Variants in ZFAT observed in about 807,000 individuals in gnomAD.
ZFAT encodes the protein zinc finger and AT-hook domain containing, also known as zinc finger protein ZFAT.
In ZFAT, 64 loss-of-function variants were observed where a neutral mutation model predicts 117.7. The ratio of observed to expected loss-of-function variants is 0.54; its 90% CI spans 0.44 to 0.67. The LOEUF (loss-of-function observed/expected upper bound fraction) is 0.67, where lower values mean the gene tolerates loss of function less well. Ranked by LOEUF, ZFAT falls within the 30% of genes least tolerant of loss-of-function variation. The pLI is 0.00. For synonymous variants in ZFAT, 679 were observed against 615.0 expected (o/e 1.10, Z -1.54); for missense variants, 1,433 against 1,584.5 (o/e 0.90, Z 1.62).
At chr8:134,733,875 C>T in the ZFAT span, among the ~76,000 whole-genome samples, 6 of 152,222 alleles carry the variant, frequency 3.9e-5, no homozygotes, top group African/African-American at 7.2e-5. Context: ...GTCCTGCGGC[C>T]ACCCCAGCTC....
chr8:134,584,434 C>A (rs1010380935), intron 9 of ZFAT, among the ~76,000 whole-genome samples: 2 of 152,234 alleles, frequency 1.3e-5, no homozygotes, highest in African/African-American at 4.8e-5. Context: ...ACCTGCAGAG[C>A]AGACAGTCAC....
intron 4 of ZFAT, among the ~76,000 whole-genome samples, chr8:134,609,701 T>G (rs190659835): frequency 6.6e-6 from 1 of 152,222 alleles, no homozygotes; most frequent in South Asian, 2.1e-4. Context: ...GAAAAAATAT[T>G]ATACTTTGAA....
the ZFAT span, among the ~76,000 whole-genome samples, chr8:134,770,673 G>T: frequency 1.3e-5 from 2 of 152,176 alleles, no homozygotes; most frequent in African/African-American, 4.8e-5. Context: ...AACTCTGACC[G>T]CCGGTGAGCC....
At chr8:134,600,233 A>C in intron 7 of ZFAT, 1 of 613,472 alleles carries the variant, frequency 1.6e-6, no homozygotes, top group East Asian at 2.7e-5. Context: ...TATTCCATCT[A>C]ATCTCTTTTT....
Position 134,705,015 on chromosome 8 carries a change from C to T in ZFAT, c.19+7830G>A, listed in dbSNP as rs373006159. 7.1e-4 allele frequency among the ~76,000 whole-genome samples: 108 copies of T among 151,968 alleles called. 1 individual carries two copies. The highest frequency in any genetic ancestry group is 3.4e-3 in the Middle Eastern group (1 of 290). ...TGTAAAAATAATGGCAAATAAAACT[C>T]CAATAAAATCACAAACTTCTGTTCA... On this transcript the variant is annotated intron_variant, in intron 1 of 15. Coordinates refer to ENST00000377838, the MANE Select transcript of ZFAT (RefSeq NM_020863.4).
At chr8:134,496,955 C>T (rs182562034) in intron 15 of ZFAT, among the ~76,000 whole-genome samples, 34 of 152,346 alleles carry the variant, frequency 2.2e-4, no homozygotes, top group African/African-American at 7.2e-4. Context: ...TGTGTCCTAA[C>T]GGGCAGGGGT....
chr8:134,830,087 T>C, the ZFAT span, among the ~76,000 whole-genome samples: 1 of 152,176 alleles, frequency 6.6e-6, no homozygotes. Flanking sequence ...CATGAACATA[T>C]GACCTCCACG....
intron 11 of ZFAT, chr8:134,565,079 G>T: frequency 2.1e-6 from 3 of 1,459,720 alleles, no homozygotes; most frequent in Admixed American, 2.1e-5. Flanking sequence ...TGCAAAGATC[G>T]TGCCTTTTCT....
At chr8:134,617,219 C>A (rs538761830) in intron 3 of ZFAT, among the ~76,000 whole-genome samples, 62 of 152,274 alleles carry the variant, frequency 4.1e-4, no homozygotes, top group Non-Finnish European at 7.8e-4. Flanking sequence ...GCCATGAGAG[C>A]GTCCCATGCA....
intron 3 of ZFAT, among the ~76,000 whole-genome samples, chr8:134,614,855 A>G (rs1563678850): frequency 6.6e-6 from 1 of 152,214 alleles, no homozygotes; most frequent in Admixed American, 6.5e-5. Flanking sequence ...TCTGAACCAC[A>G]TGGGAAGTCA....
chr8:134,762,888 G>C, the ZFAT span, among the ~76,000 whole-genome samples: 3 of 152,120 alleles, frequency 2.0e-5, no homozygotes, highest in Non-Finnish European at 4.4e-5. Context: ...TAGCCAAGTG[G>C]ATAAATAGAT....
chr8:134,543,232 C>A (rs1352715727), intron 11 of ZFAT, among the ~76,000 whole-genome samples: 1 of 151,642 alleles, frequency 6.6e-6, no homozygotes, highest in African/African-American at 2.4e-5. Context: ...GGGTCATGTA[C>A]AAATCCCCAG....
chr8:134,692,623 G>A (rs1250899846), intron 1 of ZFAT, among the ~76,000 whole-genome samples: 1 of 152,180 alleles, frequency 6.6e-6, no homozygotes, highest in Non-Finnish European at 1.5e-5. Context: ...AAGTATGGGA[G>A]GAAATCTTAA....
chr8:134,760,231 G>A, the ZFAT span, among the ~76,000 whole-genome samples: 5 of 148,896 alleles, frequency 3.4e-5, no homozygotes, highest in East Asian at 9.9e-4. Flanking sequence ...TCATGCCACT[G>A]CACTCCAGCC....
intron 3 of ZFAT, among the ~76,000 whole-genome samples, chr8:134,624,458 C>A (rs185539716): frequency 6.6e-6 from 1 of 151,982 alleles, no homozygotes; most frequent in African/African-American, 2.4e-5. Context: ...GAGTTTGAGA[C>A]CAGCGTGGCT....
intron 7 of ZFAT, among the ~76,000 whole-genome samples, chr8:134,595,611 A>G (rs1198009487): frequency 6.6e-6 from 1 of 152,174 alleles, no homozygotes; most frequent in Non-Finnish European, 1.5e-5. Context: ...AAGTTTGCAC[A>G]ATGCTGTTAA....
the ZFAT span, among the ~76,000 whole-genome samples, chr8:134,739,578 G>A: frequency 6.6e-6 from 1 of 152,126 alleles, no homozygotes; most frequent in African/African-American, 2.4e-5. Context: ...TTCATCTTCT[G>A]GGATGAAAAA....
At chr8:134,690,796 A>C (rs1207176454) in intron 1 of ZFAT, among the ~76,000 whole-genome samples, 1 of 152,242 alleles carries the variant, frequency 6.6e-6, no homozygotes, top group Non-Finnish European at 1.5e-5. Flanking sequence ...TGGGCTGTTC[A>C]GTTTTTATTA....
intron 15 of ZFAT, among the ~76,000 whole-genome samples, chr8:134,487,022 G>A (rs775339315): frequency 6.6e-6 from 1 of 152,164 alleles, no homozygotes; most frequent in Non-Finnish European, 1.5e-5. Flanking sequence ...GTCTGTATGT[G>A]TCCATATATT....
Sources: gnomAD v4.1 joint callset for allele counts (sites outside exome capture counted in the v4.1 genomes callset) on GRCh38, gnomAD v4.1.1 for gene constraint, MANE v1.5 for transcripts, NCBI Gene and HGNC (gene_info 2026-07-23, HGNC 2026-07-21) for gene names.